Variants in TPH1 observed in about 807,000 individuals in gnomAD.
TPH1 encodes tryptophan hydroxylase 1.
A neutral mutation model predicts 49.5 loss-of-function variants in TPH1; 37 were observed. That is an observed-to-expected ratio of 0.75 (90% CI 0.58 to 0.98). The LOEUF (loss-of-function observed/expected upper bound fraction) is 0.98, where lower values mean the gene tolerates loss of function less well. Ranked by LOEUF, TPH1 falls within the 50% of genes least tolerant of loss-of-function variation. TPH1 has a pLI of 0.00. For missense variants in TPH1, 487 were observed against 523.6 expected (o/e 0.93, Z 0.68); for synonymous variants, 160 against 182.1 (o/e 0.88, Z 0.98).
At chr11:18,021,336 A>C (rs1854359824) in intron 10 of TPH1, among the ~76,000 whole-genome samples, 171 bp from the exon 11 acceptor site, 1 of 152,214 alleles carries the variant, frequency 6.6e-6, no homozygotes, top group Non-Finnish European at 1.5e-5. Context: ...GTCCCCTGGA[A>C]TCCCACACAA....
intron 6 of TPH1, 26 bp from the exon 7 acceptor site, chr11:18,026,651 A>C: frequency 6.2e-7 from 1 of 1,613,754 alleles, no homozygotes; most frequent in Non-Finnish European, 8.5e-7. Context: ...GAAAACAAAG[A>C]AAATCTTTAC....
In TPH1 at chr11:18,019,662, T is replaced by C. The variant is rs1379023711; in HGVS notation, c.*1329A>G. ...TAAGAACTGAAGTCATGTATCTGGG[T>C]GACATTCCCCATGAAGAGATGGCAA... is the stretch of plus-strand genomic sequence containing the variant. On this transcript the variant is annotated 3_prime_UTR_variant, in exon 11 of 11. Transcript: ENST00000682019. The C allele has an allele frequency of 2.2e-6, 1 of 461,400 alleles. No individual in the cohort carries two copies. The highest frequency in any genetic ancestry group is 2.0e-5 in the African/African-American group (1 of 50,350). 28.6% of individuals were successfully genotyped at this position (461,400 alleles called of 1,614,324 possible). A position where few individuals can be genotyped will look rare whatever the true frequency, so the allele number is the denominator to read the frequency against.
chr11:18,040,751 G>GT lies in TPH1; in HGVS notation c.11dup (p.Asp4GlufsTer3). The GT allele has an allele frequency of 6.2e-7, 1 of 1,611,808 alleles. No homozygotes were observed. Among genetic ancestry groups the GT allele is most frequent in the Non-Finnish European group, 8.5e-7 (1 of 1,178,840 alleles). On this transcript the variant is annotated frameshift_variant, in exon 2 of 11. Coordinates refer to ENST00000682019, the MANE Select transcript of TPH1 (RefSeq NM_004179.3). LOFTEE classifies it high-confidence loss of function. Reference sequence around the variant, plus strand: ...AGGAATGGTCTTTGTTCTCCTTATTGTCTTCAATCATGATGAATTTGGAGT... The same window carrying GT: ...AGGAATGGTCTTTGTTCTCCTTATTGTTCTTCAATCATGATGAATTTGGAGT...
intron 1 of TPH1, among the ~76,000 whole-genome samples, chr11:18,043,822 C>T (rs1030766901): frequency 6.6e-6 from 1 of 151,490 alleles, no homozygotes; most frequent in Non-Finnish European, 1.5e-5. Context: ...TCCATGATCG[C>T]GCCACTGCAG....
chr11:18,036,286 C>A, intron 2 of TPH1, 144 bp from the exon 3 acceptor site: 1 of 660,040 alleles, frequency 1.5e-6, no homozygotes, highest in Admixed American at 2.9e-5. Context: ...GTGCTGCCAA[C>A]AACAAAATAA....
At chr11:18,033,745 T>C (rs1011176406) in intron 3 of TPH1, among the ~76,000 whole-genome samples, 1 of 152,186 alleles carries the variant, frequency 6.6e-6, no homozygotes, top group Non-Finnish European at 1.5e-5. Context: ...TAATAAAAAC[T>C]TCATTTATTT....
chr11:18,029,922 A>G (rs1282514837), intron 4 of TPH1, among the ~76,000 whole-genome samples: 2 of 152,202 alleles, frequency 1.3e-5, no homozygotes, highest in Non-Finnish European at 2.9e-5. Flanking sequence ...TCATTTGACT[A>G]TATCTTGTTA....
intron 6 of TPH1, among the ~76,000 whole-genome samples, chr11:18,028,721 T>C (rs1847953498): frequency 1.3e-5 from 2 of 152,058 alleles, no homozygotes; most frequent in South Asian, 4.1e-4. Context: ...CAGGACAGAG[T>C]ACGGGAAAAT....
intron 4 of TPH1, among the ~76,000 whole-genome samples, chr11:18,029,961 A>G (rs577583560): frequency 6.6e-6 from 1 of 152,312 alleles, no homozygotes; most frequent in African/African-American, 2.4e-5. Flanking sequence ...ATTAATAATA[A>G]AAAGTAATTA....
rs145479597 is a variant in TPH1 at position 18,029,558 on chromosome 11, G to T, written c.424C>A (p.Arg142Ser). 1.9e-6 allele frequency: 3 copies of T among 1,612,596 alleles called. No individual in the cohort carries two copies. The highest frequency in any genetic ancestry group is 1.7e-5 in the Admixed American group (1 of 59,964). ...DHPGFKDNVYRKRRKYFADLA... is the reference protein window; with the variant it reads ...DHPGFKDNVYSKRRKYFADLA... Reference sequence around the variant, plus strand: ...TCCGCAAAATACTTTCGACGTTTACGGTAGACATTGTCTTTGAAGCCCTGA... The same window carrying T: ...TCCGCAAAATACTTTCGACGTTTACTGTAGACATTGTCTTTGAAGCCCTGA... Residue 142 changes from arginine (R) to serine (S), a missense_variant, in exon 5 of 11, where the codon CGT becomes AGT. Transcript: ENST00000682019.
At chr11:18,027,655 C>T (rs1419971431) in intron 6 of TPH1, among the ~76,000 whole-genome samples, 1 of 152,198 alleles carries the variant, frequency 6.6e-6, no homozygotes, top group African/African-American at 2.4e-5. Context: ...AGGCTCCAGA[C>T]CCTAAGAGAT....
At position 18,026,398 on chromosome 11, in the gene TPH1, A is replaced by G; in HGVS notation, c.803+92T>C. ...TTTATTTAATCCTCGCACACCAAAA[A>G]AAAAAAAAAAAAAAAAAAAGAACCC... On this transcript the variant is annotated intron_variant, in intron 7 of 10. Transcript: ENST00000682019. 7 of 820,394 alleles carry G rather than the reference A, an allele frequency of 8.5e-6. No individual in the cohort carries two copies. In the East Asian group the frequency reaches 2.9e-4, roughly 34 times the overall value. The allele number at this position is 820,394 out of a possible 1,614,324, so 50.8% of individuals were successfully genotyped here. A position where few individuals can be genotyped will look rare whatever the true frequency, so the allele number is the denominator to read the frequency against.
chr11:18,033,669 T>C (rs1848015208), intron 3 of TPH1, among the ~76,000 whole-genome samples: 1 of 152,214 alleles, frequency 6.6e-6, no homozygotes, highest in Non-Finnish European at 1.5e-5. Context: ...TTAAGCTACA[T>C]ATTTAGTTAT....
At chr11:18,031,371 A>C (rs1426653725) in intron 4 of TPH1, among the ~76,000 whole-genome samples, 1 of 152,096 alleles carries the variant, frequency 6.6e-6, no homozygotes, top group African/African-American at 2.4e-5. Flanking sequence ...CAGTTAATGG[A>C]TGTTTGGGTT....
intron 1 of TPH1, among the ~76,000 whole-genome samples, chr11:18,045,657 C>T (rs1242056589): frequency 1.3e-5 from 2 of 152,168 alleles, no homozygotes; most frequent in Admixed American, 6.5e-5. Flanking sequence ...GACTCTAAAC[C>T]GCAAGGACCT....
intron 2 of TPH1, 97 bp downstream of exon 2, chr11:18,040,549 A>C: frequency 8.2e-7 from 1 of 1,214,560 alleles, no homozygotes; most frequent in Non-Finnish European, 1.1e-6. Context: ...GTTTTTTTTT[A>C]AGAGATAGGG....
chr11:18,040,225 G>C (rs1303966049), intron 2 of TPH1, among the ~76,000 whole-genome samples: 1 of 148,096 alleles, frequency 6.8e-6, no homozygotes, highest in Non-Finnish European at 1.5e-5. Context: ...TAAATTGTTT[G>C]TATCCCTTGT....
chr11:18,026,750 T>A, intron 6 of TPH1, 125 bp from the exon 7 acceptor site: 1 of 1,183,346 alleles, frequency 8.5e-7, no homozygotes, highest in South Asian at 1.3e-5. Context: ...TAATTTATCA[T>A]ATGCATATTA....
chr11:18,024,294 A>G (rs1322517612), intron 8 of TPH1, among the ~76,000 whole-genome samples: 1 of 152,348 alleles, frequency 6.6e-6, no homozygotes, highest in East Asian at 1.9e-4. Flanking sequence ...AATTCATTTT[A>G]AAATTTAATA....
Sources: allele counts gnomAD v4.1 joint callset (sites outside exome capture counted in the v4.1 genomes callset), GRCh38; gene constraint gnomAD v4.1.1; transcripts MANE v1.5; gene names NCBI Gene and HGNC (gene_info 2026-07-23, HGNC 2026-07-21).